The following ZNF614 variants were observed in gnomAD, a reference collection of about 807,000 sequenced individuals.
ZNF614 encodes zinc finger protein 614.
ZNF614 carries 11 observed loss-of-function variants against 12.8 expected under a neutral mutation model. That is an observed-to-expected ratio of 0.86 (90% CI 0.54 to 1.43). The LOEUF (loss-of-function observed/expected upper bound fraction) is 1.43, where lower values mean the gene tolerates loss of function less well. ZNF614 is among the 40% of genes most tolerant of loss of function. The pLI, the probability that ZNF614 is intolerant of heterozygous loss-of-function variation, is 0.00. For missense variants in ZNF614, 664 were observed against 708.8 expected, an observed-to-expected ratio of 0.94 and a Z score of 0.72; for synonymous variants, 237 against 237.5, an observed-to-expected ratio of 1.00 and a Z score of 0.02.
At chr19:52,026,503 C>T (rs1279233660) in intron 1 of ZNF614, among the ~76,000 whole-genome samples, 5 of 152,194 alleles carry the variant, frequency 3.3e-5, no homozygotes, top group Non-Finnish European at 7.3e-5. Context: ...CAATACACTG[C>T]GGAAGGCCGC....
chr19:52,026,902 C>T (rs2086978628), intron 1 of ZNF614, among the ~76,000 whole-genome samples: 1 of 152,190 alleles, frequency 6.6e-6, no homozygotes, highest in Non-Finnish European at 1.5e-5. Flanking sequence ...GACACAGAGA[C>T]CTTTGTTCAC....
chr19:52,024,524 G>A (rs2086957282), intron 2 of ZNF614, among the ~76,000 whole-genome samples: 1 of 151,846 alleles, frequency 6.6e-6, no homozygotes, highest in Admixed American at 6.5e-5. Context: ...CTGTGTCTAT[G>A]TAGAAAGAAG....
chr19:52,016,503 ATGAGTTCGC>A lies in ZNF614; in HGVS notation c.1086_1094del (p.Gln362_Thr364del), dbSNP rs2086898510. ...TGCACATATAGGGTTTCTCTCCAGT[ATGAGTTCGC>A]TGATGTACAACAAGATAGCGCTTCA... On this transcript the variant is annotated inframe_deletion, in exon 5 of 5. Transcript: ENST00000270649. 1 of 1,614,088 alleles carries A rather than the reference ATGAGTTCGC, an allele frequency of 6.2e-7. No homozygotes were observed. The highest frequency in any genetic ancestry group is 2.2e-5 in the East Asian group (1 of 44,874).
At chr19:52,025,119 A>C (rs1010949141) in intron 2 of ZNF614, among the ~76,000 whole-genome samples, 1 of 152,152 alleles carries the variant, frequency 6.6e-6, no homozygotes, top group Non-Finnish European at 1.5e-5. Flanking sequence ...AAAATAAATA[A>C]ATAAATAAAT....
chr19:52,017,816 T>A (rs1433241624), intron 4 of ZNF614, 192 bp downstream of exon 4: 34 of 483,122 alleles, frequency 7.0e-5, no homozygotes, highest in Admixed American at 1.1e-4. Flanking sequence ...CTGAAATATA[T>A]CCAAGAAATC....
intron 2 of ZNF614, among the ~76,000 whole-genome samples, chr19:52,023,383 G>A (rs369486006): frequency 2.0e-5 from 3 of 151,930 alleles, no homozygotes; most frequent in African/African-American, 7.2e-5. Flanking sequence ...AGGCCAGGAT[G>A]GTCTCGATCT....
At chr19:52,022,550 A>C (rs1007138929) in intron 2 of ZNF614, among the ~76,000 whole-genome samples, 1 of 151,748 alleles carries the variant, frequency 6.6e-6, no homozygotes, top group Non-Finnish European at 1.5e-5. Flanking sequence ...TCGACATTAA[A>C]GTTTACTTTT....
At chr19:52,018,227 T>C in intron 3 of ZNF614, 124 bp from the exon 4 acceptor site, 3 of 1,461,798 alleles carry the variant, frequency 2.1e-6, no homozygotes, top group Non-Finnish European at 2.9e-6. Flanking sequence ...GAAGAGATTA[T>C]ACCACTTTGG....
Position 52,017,240 on chromosome 19 carries a change from G to T in ZNF614, c.358C>A (p.His120Asn). 3 of 1,614,070 alleles carry T rather than the reference G, an allele frequency of 1.9e-6. No homozygotes were observed. Among genetic ancestry groups the T allele is most frequent in the Non-Finnish European group, 2.5e-6 (3 of 1,180,028 alleles). Residue 120 changes from histidine to asparagine, a missense_variant, in exon 5 of 5, where the codon CAT becomes AAT. His to Asn is a moderately conservative substitution (Grantham distance 68). Transcript: ENST00000270649. ...LRNIVHLSKT[H>N]FPIVQNHDTF... The stretch of plus-strand genomic sequence containing the variant: ...TCATGATTTTGCACTATAGGAAAAT[G>T]TGTCTTGCTGAGATGTACAATATTT...
At position 52,016,444 on chromosome 19, in the gene ZNF614, T is replaced by C. The variant is rs1259373060; in HGVS notation, c.1154A>G (p.Asn385Ser). Residue 385 changes from asparagine (N) to serine (S), a missense_variant, in exon 5 of 5, where the codon AAT becomes AGT. Physicochemically the swap from Asn to Ser is conservative, Grantham distance 46. Coordinates refer to ENST00000270649, the MANE Select transcript of ZNF614 (RefSeq NM_025040.4). ...ECGKGFTVKS[N>S]LIVHQRSHTG... is the part of the protein sequence containing the mutation. The stretch of plus-strand genomic sequence containing the variant: ...GTGGGAGCGCTGATGTACAATGAGA[T>C]TGCTCTTCACGGTAAAGCCTTTTCC... 1.9e-6 allele frequency: 3 copies of C among 1,614,042 alleles called. No homozygotes were observed. Among genetic ancestry groups the C allele is most frequent in the Non-Finnish European group, 2.5e-6 (3 of 1,179,980 alleles).
At chr19:52,026,025 T>G (rs2086969784) in intron 1 of ZNF614, 64 bp from the exon 2 acceptor site, 1 of 379,158 alleles carries the variant, frequency 2.6e-6, no homozygotes, top group Non-Finnish European at 4.8e-6. Flanking sequence ...ACTGCTGCTC[T>G]GCACTTACCT....
chr19:52,016,030 T>C lies in ZNF614; in HGVS notation c.1568A>G (p.Lys523Arg). The C allele has an allele frequency of 1.9e-6, 3 of 1,614,204 alleles. No homozygotes were observed. The South Asian group carries it at 3.3e-5, about 18-fold the overall frequency. ...TCTTTGATGTACATTGAGTACTGAC[T>C]TTGTGGTGAAGGCTTTTCCACATTC... ...CNECGKAFTT[K>R]SVLNVHQRTH... The change falls in exon 5 of 5, where the codon AAG becomes AGG. Residue 523 changes from lysine (K) to arginine (R), a missense_variant. By Grantham distance (26) the Lys-to-Arg change is conservative. Transcript: ENST00000270649.
At chr19:52,019,761 C>G (rs761323639) in intron 2 of ZNF614, among the ~76,000 whole-genome samples, 9 of 152,220 alleles carry the variant, frequency 5.9e-5, no homozygotes, top group African/African-American at 1.4e-4. Context: ...ACCATGATAT[C>G]AAGGACCTGT....
chr19:52,026,579 T>G (rs1188602881), intron 1 of ZNF614, among the ~76,000 whole-genome samples: 10 of 152,158 alleles, frequency 6.6e-5, no homozygotes, highest in Admixed American at 6.5e-4. Flanking sequence ...GCCTGAGATA[T>G]GGCCTCGTGG....
In ZNF614 at chr19:52,013,596, A is replaced by T. The variant is rs2086879408; in HGVS notation, c.*2244T>A. 1 of 152,182 alleles carries T rather than the reference A, an allele frequency of 6.6e-6. No individual in the cohort carries two copies. The highest frequency in any genetic ancestry group is 2.1e-4 in the South Asian group (1 of 4,834). The allele number at this position is 152,182 out of a possible 1,614,324, so 9.4% of individuals were successfully genotyped here. On this transcript the variant is annotated 3_prime_UTR_variant, in exon 5 of 5. Coordinates refer to ENST00000270649, the MANE Select transcript of ZNF614 (RefSeq NM_025040.4). The stretch of plus-strand genomic sequence containing the variant: ...AAAAATTCATATAACTTATTTATAT[A>T]AAATTTATAAAAACCATTTACAAAA...
At chr19:52,018,580 A>G in intron 2 of ZNF614, 86 bp from the exon 3 acceptor site, 2 of 1,354,396 alleles carry the variant, frequency 1.5e-6, no homozygotes, top group Non-Finnish European at 2.0e-6. Context: ...AATTTTCACA[A>G]TACAGCCTGC....
intron 4 of ZNF614, 102 bp from the exon 5 acceptor site, chr19:52,017,461 G>A (rs12976476): frequency 2.6e-6 from 3 of 1,139,498 alleles, no homozygotes; most frequent in Non-Finnish European, 3.6e-6. Flanking sequence ...CCCAGCACTT[G>A]GGGAGGCTGA....
rs542493380 is a variant in ZNF614 at position 52,022,392 on chromosome 19, C to A, written c.15+3339G>T. Among the ~76,000 whole-genome samples the A allele has an allele frequency of 1.6e-4, 24 of 152,202 alleles. No homozygotes were observed. The South Asian group carries it at 5.0e-3, about 32-fold the overall frequency. On this transcript the variant is annotated intron_variant, in intron 2 of 4. Transcript: ENST00000270649. ...TCTGCCCGGCCGCCCCACACCACCG[C>A]CGCCATCTGGGAAGTGAGGAGTGCC... is the stretch of plus-strand genomic sequence containing the variant.
intron 2 of ZNF614, among the ~76,000 whole-genome samples, chr19:52,023,141 T>G (rs2086943294): frequency 6.8e-6 from 1 of 147,498 alleles, no homozygotes; most frequent in Non-Finnish European, 1.5e-5. Context: ...AGAGCGAGAC[T>G]CTGTCTCAAA....
Sources: gnomAD v4.1 joint callset for allele counts (sites outside exome capture counted in the v4.1 genomes callset) on GRCh38, gnomAD v4.1.1 for gene constraint, MANE v1.5 for transcripts, NCBI Gene and HGNC (gene_info 2026-07-23, HGNC 2026-07-21) for gene names.